SLC24A2: variants seen among roughly 807,000 people sequenced by gnomAD.
SLC24A2 encodes solute carrier family 24 member 2.
A neutral mutation model predicts 62.0 loss-of-function variants in SLC24A2; 36 were observed. That is an observed-to-expected ratio of 0.58 (90% CI 0.44 to 0.77). SLC24A2 has a LOEUF of 0.77. SLC24A2 is among the 30% of genes least tolerant of loss of function. SLC24A2 has a pLI of 0.00. For missense variants in SLC24A2, 846 were observed against 817.9 expected, an observed-to-expected ratio of 1.03 and a Z score of -0.42; for synonymous variants, 358 against 294.0, an observed-to-expected ratio of 1.22 and a Z score of -2.23.
the SLC24A2 span, among the ~76,000 whole-genome samples, chr9:19,873,536 C>CTTTCTTTCTTTATTTCTT: frequency 1.6e-3 from 219 of 137,122 alleles, 2 homozygotes; most frequent in Admixed American, 2.4e-3. Flanking sequence ...TCCTTTCTTT[C>CTTTCTTTCTTTATTTCTT]TCTTTCTTTC....
chr9:19,948,861 A>G, the SLC24A2 span, among the ~76,000 whole-genome samples: 37 of 151,102 alleles, frequency 2.4e-4, no homozygotes, highest in African/African-American at 6.1e-4. Context: ...AAAAAAAAAA[A>G]AAAAATGAAA....
chr9:20,105,846 T>A, the SLC24A2 span, among the ~76,000 whole-genome samples: 1 of 151,756 alleles, frequency 6.6e-6, no homozygotes, highest in South Asian at 2.1e-4. Flanking sequence ...GTAACTAAAA[T>A]CAGAGCAGAA....
At chr9:20,051,880 C>T in the SLC24A2 span, among the ~76,000 whole-genome samples, 2 of 151,924 alleles carry the variant, frequency 1.3e-5, no homozygotes, top group African/African-American at 4.8e-5. Context: ...TGTCAATGGT[C>T]TTTTCTCTGG....
At chr9:20,146,191 T>A in the SLC24A2 span, among the ~76,000 whole-genome samples, 2 of 152,076 alleles carry the variant, frequency 1.3e-5, no homozygotes, top group African/African-American at 4.8e-5. Flanking sequence ...CTTGCCTGAG[T>A]TATTAATATA....
chr9:20,142,714 G>C, the SLC24A2 span, among the ~76,000 whole-genome samples: 1 of 152,120 alleles, frequency 6.6e-6, no homozygotes, highest in Non-Finnish European at 1.5e-5. Flanking sequence ...TCCTGCCTCA[G>C]CCTCCCAAGG....
chr9:20,191,456 G>A, the SLC24A2 span, among the ~76,000 whole-genome samples: 1 of 151,996 alleles, frequency 6.6e-6, no homozygotes, highest in Non-Finnish European at 1.5e-5. Context: ...GTACACTATA[G>A]GAGGTGAGTG....
At chr9:19,861,424 G>T in the SLC24A2 span, among the ~76,000 whole-genome samples, 1 of 152,082 alleles carries the variant, frequency 6.6e-6, no homozygotes, top group Non-Finnish European at 1.5e-5. Context: ...ACATCCTAAT[G>T]CCCAAGTCCT....
At chr9:20,213,792 G>A in the SLC24A2 span, among the ~76,000 whole-genome samples, 5 of 152,150 alleles carry the variant, frequency 3.3e-5, no homozygotes, top group African/African-American at 1.2e-4. Flanking sequence ...TGCCAAAAAT[G>A]GTAATAATAT....
the SLC24A2 span, among the ~76,000 whole-genome samples, chr9:19,991,417 C>A: frequency 6.6e-6 from 1 of 152,126 alleles, no homozygotes; most frequent in Non-Finnish European, 1.5e-5. Flanking sequence ...TGGTGCCTAC[C>A]CAGATTGAAG....
chr9:20,069,937 C>T, the SLC24A2 span, among the ~76,000 whole-genome samples: 170 of 152,272 alleles, frequency 1.1e-3, no homozygotes, highest in African/African-American at 3.9e-3. Context: ...GTTTTAAAAA[C>T]CAAAACCATC....
At chr9:19,781,220 T>C (rs970218844) in intron 2 of SLC24A2, among the ~76,000 whole-genome samples, 1 of 152,204 alleles carries the variant, frequency 6.6e-6, no homozygotes, top group Non-Finnish European at 1.5e-5. Flanking sequence ...TGGATGTACT[T>C]GTGTCCCCAG....
chr9:19,900,902 G>T, the SLC24A2 span, among the ~76,000 whole-genome samples: 118 of 152,200 alleles, frequency 7.8e-4, 1 homozygote, highest in Non-Finnish European at 1.3e-3. Flanking sequence ...GCTCGTGGAA[G>T]TTCATGCCCA....
chr9:20,279,349 G>A, the SLC24A2 span, among the ~76,000 whole-genome samples: 12 of 152,220 alleles, frequency 7.9e-5, no homozygotes, highest in African/African-American at 2.9e-4. Context: ...TGTCCAACAT[G>A]GTGAAACCCC....
intron 8 of SLC24A2, among the ~76,000 whole-genome samples, chr9:19,538,932 G>C (rs1236657750): frequency 7.7e-6 from 1 of 129,922 alleles, no homozygotes; most frequent in Non-Finnish European, 1.6e-5. Flanking sequence ...TTTAGTCTTG[G>C]GAGAGTGTAT....
At chr9:19,970,743 C>T in the SLC24A2 span, among the ~76,000 whole-genome samples, 1 of 152,116 alleles carries the variant, frequency 6.6e-6, no homozygotes, top group African/African-American at 2.4e-5. Flanking sequence ...TCTGTTGCTC[C>T]ATTTTCAGTT....
intron 2 of SLC24A2, among the ~76,000 whole-genome samples, chr9:19,743,277 A>T (rs1409745193): frequency 6.6e-6 from 1 of 152,202 alleles, no homozygotes; most frequent in Admixed American, 6.5e-5. Flanking sequence ...TATCACTTCT[A>T]TTCATAGTGA....
the SLC24A2 span, among the ~76,000 whole-genome samples, chr9:20,087,220 A>G: frequency 0.071 from 10,850 of 152,168 alleles, 607 homozygotes; most frequent in African/African-American, 0.15. Context: ...ATAAATATTT[A>G]TTGAGCACCT....
the SLC24A2 span, among the ~76,000 whole-genome samples, chr9:20,306,188 G>A: frequency 6.6e-6 from 1 of 152,176 alleles, no homozygotes; most frequent in Admixed American, 6.5e-5. Flanking sequence ...TGTGATGTTG[G>A]AAGCTACCCC....
chr9:19,723,493 C>T (rs544598071), intron 2 of SLC24A2, among the ~76,000 whole-genome samples: 2 of 152,212 alleles, frequency 1.3e-5, no homozygotes, highest in Non-Finnish European at 2.9e-5. Flanking sequence ...CCCACCAAAC[C>T]GTCTTAAGCC....
Sources: allele counts gnomAD v4.1 joint callset (sites outside exome capture counted in the v4.1 genomes callset), GRCh38; gene constraint gnomAD v4.1.1; transcripts MANE v1.5; gene names NCBI Gene and HGNC (gene_info 2026-07-23, HGNC 2026-07-21).